The following CEP57 variants were observed in gnomAD, a reference collection of about 807,000 sequenced individuals.
The protein encoded by CEP57 is centrosomal protein of 57 kDa.
Under a neutral mutation model 68.0 loss-of-function variants are expected in CEP57, and 40 were observed. The ratio of observed to expected loss-of-function variants is 0.59; its 90% CI spans 0.46 to 0.77. The LOEUF is 0.77. CEP57 is among the 30% of genes least tolerant of loss of function. CEP57 has a pLI of 0.00. For synonymous variants in CEP57, 219 were observed against 198.7 expected, an observed-to-expected ratio of 1.10 and a Z score of -0.86; for missense variants, 606 against 580.7, an observed-to-expected ratio of 1.04 and a Z score of -0.45.
intron 8 of CEP57, among the ~76,000 whole-genome samples, chr11:95,825,291 G>T (rs1040450990): frequency 1.6e-4 from 25 of 152,138 alleles, no homozygotes; most frequent in African/African-American, 6.0e-4. Context: ...ATTCCTGTTG[G>T]AGAAAACTCT....
intron 8 of CEP57, 126 bp from the exon 9 acceptor site, chr11:95,827,660 A>G (rs1392216027): frequency 7.6e-6 from 8 of 1,056,574 alleles, no homozygotes; most frequent in Admixed American, 4.1e-5. Context: ...CATGATGAGA[A>G]TAATTTTAGG....
chr11:95,817,805 C>T lies in CEP57; in HGVS notation c.523C>T (p.Arg175Ter), dbSNP rs775752088. The T allele has an allele frequency of 4.3e-6, 7 of 1,612,720 alleles. No individual in the cohort carries two copies. Among genetic ancestry groups the T allele is most frequent in the African/African-American group, 1.3e-5 (1 of 74,862 alleles). Residue 175 changes from arginine (R) to a stop codon, truncating the protein, a stop_gained, in exon 5 of 11, where the codon CGA (arginine) becomes TGA (stop). Transcript: ENST00000325542. LOFTEE classifies it high-confidence loss of function. The stretch of plus-strand genomic sequence containing the variant: ...TTTTCAGGTTTCCCTAGAAAGAGAA[C>T]GACAACATGATCAAACACATGTTCA... ...LEKQVSLERE[R>*]QHDQTHVQSQ...
At chr11:95,822,877 T>C (rs1862573128) in intron 8 of CEP57, 1 of 371,580 alleles carries the variant, frequency 2.7e-6, no homozygotes, top group African/African-American at 2.1e-5. Context: ...AAATAGTATG[T>C]TTGTAGCATT....
chr11:95,814,813 A>T (rs1025415648), intron 4 of CEP57, among the ~76,000 whole-genome samples: 1 of 152,166 alleles, frequency 6.6e-6, no homozygotes, highest in Non-Finnish European at 1.5e-5. Flanking sequence ...GAAAAAAAAA[A>T]TACTAGGCAG....
intron 2 of CEP57, among the ~76,000 whole-genome samples, chr11:95,805,010 C>T (rs1861733867): frequency 6.6e-6 from 1 of 152,140 alleles, no homozygotes; most frequent in Admixed American, 6.5e-5. Flanking sequence ...AAAGTGCACA[C>T]CCCAGCATAT....
chr11:95,790,288 A>C (rs1272241803), upstream of CEP57: 1 of 284,298 alleles, frequency 3.5e-6, no homozygotes, highest in Non-Finnish European at 6.8e-6. Context: ...TGGCGACACC[A>C]CTACTCGCCC....
chr11:95,829,072 C>G, intron 9 of CEP57, 115 bp from the exon 10 acceptor site: 1 of 1,088,444 alleles, frequency 9.2e-7, no homozygotes, highest in Non-Finnish European at 1.4e-6. Flanking sequence ...TTGCTCTGTT[C>G]AAAAAATGGA....
At chr11:95,810,515 A>G (rs1484698634) in intron 2 of CEP57, among the ~76,000 whole-genome samples, 1 of 152,212 alleles carries the variant, frequency 6.6e-6, no homozygotes, top group Non-Finnish European at 1.5e-5. Flanking sequence ...TCAGGATACA[A>G]AATCAATGTG....
intron 8 of CEP57, among the ~76,000 whole-genome samples, chr11:95,824,666 T>C (rs1862662655): frequency 6.6e-6 from 1 of 152,192 alleles, no homozygotes; most frequent in South Asian, 2.1e-4. Flanking sequence ...AAGTACCCTA[T>C]TCTGGAAAAA....
chr11:95,821,404 TA>T (rs1565329020), intron 6 of CEP57, among the ~76,000 whole-genome samples: 1 of 152,188 alleles, frequency 6.6e-6, no homozygotes, highest in African/African-American at 2.4e-5. Context: ...TGTTTTTTGT[TA>T]TTTTTTTGGA....
intron 6 of CEP57, 67 bp from the exon 7 acceptor site, chr11:95,821,804 C>T: frequency 9.2e-7 from 1 of 1,090,356 alleles, no homozygotes; most frequent in Non-Finnish European, 1.4e-6. Flanking sequence ...TTTTACATGA[C>T]ACATCTGAAA....
chr11:95,790,885 C>A, intron 1 of CEP57, 142 bp downstream of exon 1: 1 of 988,728 alleles, frequency 1.0e-6, no homozygotes, highest in Non-Finnish European at 1.6e-6. Context: ...CCGCGCTCCC[C>A]AAGCTTCCAT....
chr11:95,798,081 T>C (rs898923000), intron 1 of CEP57, among the ~76,000 whole-genome samples: 3 of 152,230 alleles, frequency 2.0e-5, no homozygotes, highest in Non-Finnish European at 4.4e-5. Flanking sequence ...CAAATACTAG[T>C]CTTTGTTATA....
chr11:95,815,897 A>G (rs1234141219), intron 4 of CEP57, among the ~76,000 whole-genome samples: 1 of 152,202 alleles, frequency 6.6e-6, no homozygotes, highest in Non-Finnish European at 1.5e-5. Context: ...ATATTCCTGC[A>G]CATTTTATGT....
intron 7 of CEP57, 43 bp downstream of exon 7, chr11:95,822,021 G>A (rs779479034): frequency 7.4e-7 from 1 of 1,345,510 alleles, no homozygotes; most frequent in South Asian, 1.2e-5. Context: ...TGATTACTTG[G>A]TATAGTTTAT....
chr11:95,824,278 G>C (rs978428985), intron 8 of CEP57, among the ~76,000 whole-genome samples: 11 of 151,886 alleles, frequency 7.2e-5, no homozygotes, highest in African/African-American at 2.7e-4. Flanking sequence ...AGGAAATTGT[G>C]AATCTGTCAC....
chr11:95,810,983 TTGG>T (rs1418846826), intron 2 of CEP57, among the ~76,000 whole-genome samples: 22 of 152,222 alleles, frequency 1.4e-4, no homozygotes, highest in African/African-American at 5.1e-4. Flanking sequence ...TTTTACACTG[TTGG>T]TGGGATCGTA....
chr11:95,813,250 G>T, intron 3 of CEP57, 139 bp downstream of exon 3: 1 of 1,034,900 alleles, frequency 9.7e-7, no homozygotes, highest in Non-Finnish European at 1.4e-6. Context: ...GGTGCATTTT[G>T]AGGAGCAAAT....
At chr11:95,814,771 A>G (rs1591068528) in intron 4 of CEP57, among the ~76,000 whole-genome samples, 1 of 152,170 alleles carries the variant, frequency 6.6e-6, no homozygotes. Context: ...GATTGTTTAT[A>G]TGCTTAACAT....
Sources: gnomAD v4.1 joint callset for allele counts (sites outside exome capture counted in the v4.1 genomes callset) on GRCh38, gnomAD v4.1.1 for gene constraint, MANE v1.5 for transcripts, NCBI Gene and HGNC (gene_info 2026-07-23, HGNC 2026-07-21) for gene names.